Variants in SLC24A2 observed in about 807,000 individuals in gnomAD.
The protein encoded by SLC24A2 is solute carrier family 24 member 2, also known as sodium/potassium/calcium exchanger 2.
Under a neutral mutation model 62.0 loss-of-function variants are expected in SLC24A2, and 36 were observed. That is an observed-to-expected ratio of 0.58 (90% CI 0.44 to 0.77). The LOEUF is 0.77. SLC24A2 is among the 30% of genes least tolerant of loss of function. The probability of loss-of-function intolerance (pLI) is 0.00; values close to 1 mark genes in which losing one functional copy is unlikely to be tolerated. For missense variants in SLC24A2, 846 were observed against 817.9 expected (o/e 1.03, Z -0.42); for synonymous variants, 358 against 294.0 (o/e 1.22, Z -2.23).
chr9:20,236,344 G>A, the SLC24A2 span, among the ~76,000 whole-genome samples: 1 of 152,164 alleles, frequency 6.6e-6, no homozygotes, highest in Non-Finnish European at 1.5e-5. Context: ...TGGGGGAAAG[G>A]TAAATCTAAA....
intron 2 of SLC24A2, among the ~76,000 whole-genome samples, chr9:19,759,379 G>A (rs1400177494): frequency 6.6e-6 from 1 of 152,174 alleles, no homozygotes; most frequent in Non-Finnish European, 1.5e-5. Flanking sequence ...GACCAGATAA[G>A]ATCAAGGAAT....
chr9:19,764,880 T>C (rs1822463131), intron 2 of SLC24A2, among the ~76,000 whole-genome samples: 1 of 152,050 alleles, frequency 6.6e-6, no homozygotes, highest in Admixed American at 6.6e-5. Flanking sequence ...ATTGATCTAA[T>C]ATTGACAGTG....
the SLC24A2 span, among the ~76,000 whole-genome samples, chr9:20,084,402 G>A: frequency 6.6e-6 from 1 of 152,016 alleles, no homozygotes; most frequent in African/African-American, 2.4e-5. Context: ...CATAACAATT[G>A]GGAAACACTA....
chr9:20,118,189 A>C, the SLC24A2 span, among the ~76,000 whole-genome samples: 2 of 150,680 alleles, frequency 1.3e-5, no homozygotes, highest in African/African-American at 2.4e-5. Flanking sequence ...AATCGAAAGA[A>C]AAAAGAAACT....
At chr9:19,734,053 G>C (rs1027610892) in intron 2 of SLC24A2, among the ~76,000 whole-genome samples, 4 of 152,174 alleles carry the variant, frequency 2.6e-5, no homozygotes, top group Non-Finnish European at 5.9e-5. Flanking sequence ...AAATAGAACA[G>C]TTTAGGGATG....
intron 2 of SLC24A2, among the ~76,000 whole-genome samples, chr9:19,648,232 G>A (rs936311447): frequency 1.3e-5 from 2 of 152,172 alleles, no homozygotes; most frequent in Non-Finnish European, 2.9e-5. Flanking sequence ...TTCAAAGGCC[G>A]TCCAATTAAT....
chr9:20,274,829 C>T, the SLC24A2 span, among the ~76,000 whole-genome samples: 1 of 152,018 alleles, frequency 6.6e-6, no homozygotes, highest in Non-Finnish European at 1.5e-5. Context: ...CCCCTCTCTG[C>T]ACTGTGGGAT....
At chr9:19,679,882 G>C (rs953406390) in intron 2 of SLC24A2, among the ~76,000 whole-genome samples, 2 of 144,606 alleles carry the variant, frequency 1.4e-5, no homozygotes, top group Non-Finnish European at 3.1e-5. Flanking sequence ...GTGTGTGTGT[G>C]TCTGTGTCTA....
the SLC24A2 span, among the ~76,000 whole-genome samples, chr9:20,020,860 C>G: frequency 1.3e-5 from 2 of 152,110 alleles, no homozygotes. Flanking sequence ...CAAAGGAAAA[C>G]TTGGAAATCA....
At chr9:20,162,778 C>T in the SLC24A2 span, among the ~76,000 whole-genome samples, 1 of 152,096 alleles carries the variant, frequency 6.6e-6, no homozygotes, top group Non-Finnish European at 1.5e-5. Context: ...AAAGCTTATA[C>T]ATCATGATCA....
At chr9:20,067,412 A>G in the SLC24A2 span, among the ~76,000 whole-genome samples, 1 of 152,140 alleles carries the variant, frequency 6.6e-6, no homozygotes, top group African/African-American at 2.4e-5. Flanking sequence ...TCTATGTCTG[A>G]TTTTTAAATT....
the SLC24A2 span, among the ~76,000 whole-genome samples, chr9:20,029,409 A>G: frequency 1.3e-5 from 2 of 152,212 alleles, no homozygotes; most frequent in Admixed American, 6.5e-5. Context: ...TACTTCATTT[A>G]CTATCACAAC....
intron 2 of SLC24A2, among the ~76,000 whole-genome samples, chr9:19,734,269 T>C (rs1313142658): frequency 1.3e-5 from 2 of 152,194 alleles, no homozygotes; most frequent in South Asian, 2.1e-4. Context: ...ACCAGTACCA[T>C]GCTGTTTTGG....
At chr9:19,997,412 C>T in the SLC24A2 span, among the ~76,000 whole-genome samples, 2 of 152,116 alleles carry the variant, frequency 1.3e-5, no homozygotes, top group Non-Finnish European at 2.9e-5. Context: ...TGGAAGTGGA[C>T]GTACCATATT....
At chr9:20,157,329 A>G in the SLC24A2 span, among the ~76,000 whole-genome samples, 7 of 151,650 alleles carry the variant, frequency 4.6e-5, no homozygotes, top group African/African-American at 1.5e-4. Context: ...CAAATTACCC[A>G]CAAGAAATAA....
chr9:19,867,485 C>G, the SLC24A2 span, among the ~76,000 whole-genome samples: 1 of 152,070 alleles, frequency 6.6e-6, no homozygotes, highest in Non-Finnish European at 1.5e-5. Flanking sequence ...TCGTAATATT[C>G]CTTTTTAGTT....
chr9:20,048,352 T>C, the SLC24A2 span, among the ~76,000 whole-genome samples: 3 of 152,218 alleles, frequency 2.0e-5, no homozygotes, highest in Non-Finnish European at 4.4e-5. Context: ...ATTATTGGCA[T>C]TTGACCTTTA....
At chr9:19,947,692 G>A in the SLC24A2 span, among the ~76,000 whole-genome samples, 2 of 150,720 alleles carry the variant, frequency 1.3e-5, no homozygotes, top group Non-Finnish European at 2.9e-5. Flanking sequence ...TCGGGAGGCT[G>A]AGGCAGGAGA....
At chr9:19,633,979 G>A (rs923662175) in intron 2 of SLC24A2, among the ~76,000 whole-genome samples, 1 of 152,058 alleles carries the variant, frequency 6.6e-6, no homozygotes, top group Non-Finnish European at 1.5e-5. Flanking sequence ...TTCCTTTTAT[G>A]GATCAGTTTT....
Sources: allele counts gnomAD v4.1 joint callset (sites outside exome capture counted in the v4.1 genomes callset), GRCh38; gene constraint gnomAD v4.1.1; transcripts MANE v1.5; gene names NCBI Gene and HGNC (gene_info 2026-07-23, HGNC 2026-07-21).